The following C13orf42 variants were observed in gnomAD, a reference collection of about 807,000 sequenced individuals.
C13orf42 encodes chromosome 13 open reading frame 42, also known as uncharacterized protein C13orf42.
At chr13:51,117,080 G>A (rs1425224905) in intron 1 of C13orf42, among the ~76,000 whole-genome samples, 2 of 152,230 alleles carry the variant, frequency 1.3e-5, no homozygotes, top group Admixed American at 6.5e-5. Flanking sequence ...ATGGCTCATT[G>A]GGGCCACAGG....
intron 1 of C13orf42, among the ~76,000 whole-genome samples, chr13:51,142,913 A>G (rs1953706586): frequency 6.6e-6 from 1 of 152,194 alleles, no homozygotes; most frequent in African/African-American, 2.4e-5. Context: ...ATGAACGGTC[A>G]GTGTAAGCCA....
At chr13:51,110,677 C>T (rs1287131180) in intron 1 of C13orf42, 119 bp downstream of exon 1, 16 of 397,004 alleles carry the variant, frequency 4.0e-5, no homozygotes, top group East Asian at 1.8e-4. Flanking sequence ...ACTATTGCGC[C>T]GCGGCTCAGA....
intron 1 of C13orf42, among the ~76,000 whole-genome samples, chr13:51,144,979 CTG>C (rs1304684942): frequency 6.6e-6 from 1 of 152,176 alleles, no homozygotes; most frequent in African/African-American, 2.4e-5. Flanking sequence ...AAATGGGAAA[CTG>C]GAGAGAGAAA....
chr13:51,086,886 A>G (rs1385261587), intron 2 of C13orf42, among the ~76,000 whole-genome samples: 1 of 152,156 alleles, frequency 6.6e-6, no homozygotes, highest in African/African-American at 2.4e-5. Context: ...TGGGGAGCAG[A>G]GTTAACCTTC....
At chr13:51,111,457 A>C (rs4942949), upstream of C13orf42, among the ~76,000 whole-genome samples, 1 of 152,212 alleles carries the variant, frequency 6.6e-6, no homozygotes, top group Non-Finnish European at 1.5e-5. Flanking sequence ...CGCACTGTGA[A>C]CTTAAAAATG....
At chr13:51,160,377 G>A (rs1953855096) in intron 1 of C13orf42, among the ~76,000 whole-genome samples, 1 of 152,228 alleles carries the variant, frequency 6.6e-6, no homozygotes, top group African/African-American at 2.4e-5. Flanking sequence ...GCGCATGGTG[G>A]CGCAAGCCTG....
At chr13:51,155,876 G>A (rs572686312) in intron 1 of C13orf42, among the ~76,000 whole-genome samples, 3 of 152,252 alleles carry the variant, frequency 2.0e-5, no homozygotes, top group South Asian at 2.1e-4. Flanking sequence ...GTCAGGGAGG[G>A]GAAAATTACC....
At chr13:51,100,045 AT>A (rs1953271387) in intron 1 of C13orf42, among the ~76,000 whole-genome samples, 1 of 152,332 alleles carries the variant, frequency 6.6e-6, no homozygotes, top group South Asian at 2.1e-4. Context: ...GTACACTTTT[AT>A]ATACATGCCA....
intron 1 of C13orf42, among the ~76,000 whole-genome samples, chr13:51,134,990 C>T (rs1566135724): frequency 2.0e-5 from 3 of 152,326 alleles, no homozygotes; most frequent in East Asian, 3.9e-4. Flanking sequence ...GGTACACATG[C>T]AGTCATCAGA....
At chr13:51,161,389 C>G (rs1953863128) in intron 1 of C13orf42, among the ~76,000 whole-genome samples, 1 of 152,034 alleles carries the variant, frequency 6.6e-6, no homozygotes, top group African/African-American at 2.4e-5. Context: ...GGGCCTTACC[C>G]ACCCTGGAGA....
intron 1 of C13orf42, among the ~76,000 whole-genome samples, chr13:51,166,792 C>T (rs1953905421): frequency 6.6e-6 from 1 of 152,074 alleles, no homozygotes; most frequent in Non-Finnish European, 1.5e-5. Flanking sequence ...AAATATGAAA[C>T]ATCTAGGCTG....
chr13:51,107,044 G>C (rs1188528156), intron 1 of C13orf42, among the ~76,000 whole-genome samples: 1 of 152,306 alleles, frequency 6.6e-6, no homozygotes, highest in African/African-American at 2.4e-5. Context: ...CACCATGCAG[G>C]GTCCCAGGAG....
At chr13:51,136,501 T>A (rs1228576518) in intron 1 of C13orf42, among the ~76,000 whole-genome samples, 3 of 152,108 alleles carry the variant, frequency 2.0e-5, no homozygotes, top group Non-Finnish European at 4.4e-5. Context: ...GTCTAAGTGC[T>A]ATCAAAAAAA....
At chr13:51,116,073 A>T (rs143991881), upstream of C13orf42, among the ~76,000 whole-genome samples, 104 of 151,966 alleles carry the variant, frequency 6.8e-4, no homozygotes, top group African/African-American at 2.5e-3. Flanking sequence ...CCTCTAATAA[A>T]AAAAAAAAAA....
intron 1 of C13orf42, among the ~76,000 whole-genome samples, chr13:51,159,766 C>T (rs1010352672): frequency 6.6e-6 from 1 of 152,106 alleles, no homozygotes; most frequent in Non-Finnish European, 1.5e-5. Context: ...TTTTATACAG[C>T]ATGAAGTGTC....
At chr13:51,169,527 G>A (rs1222606274) in intron 1 of C13orf42, among the ~76,000 whole-genome samples, 1 of 152,218 alleles carries the variant, frequency 6.6e-6, no homozygotes, top group African/African-American at 2.4e-5. Flanking sequence ...ATGCCTCAAA[G>A]GCATTTCAGA....
intron 1 of C13orf42, among the ~76,000 whole-genome samples, chr13:51,164,533 G>A (rs962905141): frequency 3.3e-5 from 5 of 152,096 alleles, no homozygotes; most frequent in Non-Finnish European, 7.4e-5. Context: ...AGTAGCACAC[G>A]CCTATAGTCC....
intron 1 of C13orf42, chr13:51,162,135 T>C (rs907088397): frequency 1.1e-5 from 3 of 284,940 alleles, no homozygotes; most frequent in African/African-American, 4.4e-5. Flanking sequence ...TCCCATTCTA[T>C]ATGGGCATAA....
intron 1 of C13orf42, among the ~76,000 whole-genome samples, chr13:51,123,361 T>C (rs775460986): frequency 1.8e-4 from 28 of 152,238 alleles, no homozygotes; most frequent in Non-Finnish European, 2.2e-4. Context: ...AACAGATTGA[T>C]CATGGCAGGG....
Sources: allele counts gnomAD v4.1 joint callset (sites outside exome capture counted in the v4.1 genomes callset), GRCh38; gene constraint gnomAD v4.1.1; transcripts MANE v1.5; gene names NCBI Gene and HGNC (gene_info 2026-07-23, HGNC 2026-07-21).